Variants in IPO9 observed in about 807,000 individuals in gnomAD.
IPO9 encodes the protein importin-9.
IPO9 carries 28 observed loss-of-function variants against 128.6 expected under a neutral mutation model. The observed-to-expected ratio is 0.22, with a 90% CI of 0.16 to 0.30. The LOEUF is 0.30. Ranked by LOEUF, IPO9 falls within the 10% of genes least tolerant of loss-of-function variation. IPO9 has a pLI of 1.00. For missense variants in IPO9, 935 were observed against 1,293.9 expected, an observed-to-expected ratio of 0.72 and a Z score of 4.26; for synonymous variants, 455 against 475.8, an observed-to-expected ratio of 0.96 and a Z score of 0.57.
At chr1:201,836,574 C>T (rs114453840) in intron 1 of IPO9, among the ~76,000 whole-genome samples, 2,611 of 152,122 alleles carry the variant, frequency 0.017, 34 homozygotes, top group Non-Finnish European at 0.028. Flanking sequence ...TTTTATAGCA[C>T]GGAGTTTACC....
At chr1:201,841,793 G>C (rs1680040741) in intron 1 of IPO9, among the ~76,000 whole-genome samples, 1 of 152,012 alleles carries the variant, frequency 6.6e-6, no homozygotes. Context: ...GGAACAATTT[G>C]AGCAACAAAA....
chr1:201,843,005 T>C (rs1680063240), intron 1 of IPO9, among the ~76,000 whole-genome samples: 2 of 152,218 alleles, frequency 1.3e-5, no homozygotes, highest in Admixed American at 6.5e-5. Flanking sequence ...TCTGAGCTAC[T>C]GTTTCTTCTC....
At chr1:201,843,191 G>A (rs1680066823) in intron 1 of IPO9, among the ~76,000 whole-genome samples, 1 of 152,200 alleles carries the variant, frequency 6.6e-6, no homozygotes, top group Non-Finnish European at 1.5e-5. Context: ...TTTACTGTCA[G>A]GCAATATAGC....
intron 18 of IPO9, 51 bp from the exon 19 acceptor site, chr1:201,871,110 T>C: frequency 6.3e-7 from 1 of 1,574,902 alleles, no homozygotes; most frequent in Non-Finnish European, 8.7e-7. Context: ...TCTCATCTCC[T>C]ATGTCTCTGA....
At position 201,876,213 on chromosome 1, in the gene IPO9, T is replaced by C. The variant is rs758569783; in HGVS notation, c.*159T>C. 2 of 734,548 alleles carry C rather than the reference T, an allele frequency of 2.7e-6. No homozygotes were observed. The highest frequency in any genetic ancestry group is 3.4e-5 in the African/African-American group (2 of 58,036). 45.5% of individuals were successfully genotyped at this position (734,548 alleles called of 1,614,324 possible). A position where few individuals can be genotyped will look rare whatever the true frequency, so the allele number is the denominator to read the frequency against. ...ACACTGATGACAATTCAGACCAGGC[T>C]CACCGGTGCCGTCACTTAGGAATGC... On this transcript the variant is annotated 3_prime_UTR_variant, in exon 24 of 24. Coordinates refer to ENST00000361565, the MANE Select transcript of IPO9 (RefSeq NM_018085.5).
chr1:201,863,268 C>A (rs1206338810), intron 13 of IPO9, 180 bp from the exon 14 acceptor site: 3 of 436,150 alleles, frequency 6.9e-6, no homozygotes, highest in Admixed American at 3.4e-5. Flanking sequence ...AGGACAGTTG[C>A]TTGAACCCGG....
chr1:201,854,964 T>C lies in IPO9; in HGVS notation c.911+41T>C. 2.0e-6 allele frequency: 3 copies of C among 1,504,464 alleles called. No individual in the cohort carries two copies. The South Asian group carries it at 3.7e-5, about 19-fold the overall frequency. 93.2% of individuals were successfully genotyped at this position (1,504,464 alleles called of 1,614,324 possible). On this transcript the variant is annotated intron_variant, in intron 8 of 23. Transcript: ENST00000361565. The stretch of plus-strand genomic sequence containing the variant: ...AGTTTAAGGGAGCTACTACCACCTA[T>C]AGTTAGGAATCTCGCACTGGGTTTC...
chr1:201,867,772 T>TC (rs1336699685), intron 15 of IPO9, among the ~76,000 whole-genome samples: 1 of 152,114 alleles, frequency 6.6e-6, no homozygotes, highest in African/African-American at 2.4e-5. Flanking sequence ...AAGAGAGAGC[T>TC]CCAATATTGA....
rs1360731614 is a variant in IPO9, at chr1:201,879,855, G to T, written c.*3801G>T. ...GGAGTTCGAGACCAGCCTGGCCAATGTGGTGAAACCCCGCCTCTACTAAAA... is the reference window on the plus strand; with the variant it reads ...GGAGTTCGAGACCAGCCTGGCCAATTTGGTGAAACCCCGCCTCTACTAAAA... On this transcript the variant is annotated 3_prime_UTR_variant, in exon 24 of 24. Coordinates refer to ENST00000361565, the MANE Select transcript of IPO9 (RefSeq NM_018085.5). 6.6e-6 allele frequency: 1 copy of T among 152,040 alleles called. No individual in the cohort carries two copies. The highest frequency in any genetic ancestry group is 2.4e-5 in the African/African-American group (1 of 41,392). 9.4% of individuals were successfully genotyped at this position (152,040 alleles called of 1,614,324 possible).
chr1:201,832,913 C>T (rs557444408), intron 1 of IPO9, among the ~76,000 whole-genome samples: 1 of 152,252 alleles, frequency 6.6e-6, no homozygotes, highest in South Asian at 2.1e-4. Context: ...TTGTCAACTC[C>T]CTGTTAAAAG....
intron 13 of IPO9, among the ~76,000 whole-genome samples, chr1:201,862,176 G>A (rs1176411583): frequency 6.6e-6 from 1 of 152,130 alleles, no homozygotes; most frequent in East Asian, 1.9e-4. Context: ...AGTGGTCCAA[G>A]GCTGCACGCG....
chr1:201,862,514 GA>G (rs1680468436), intron 13 of IPO9, among the ~76,000 whole-genome samples: 1 of 151,840 alleles, frequency 6.6e-6, no homozygotes, highest in Admixed American at 6.6e-5. Context: ...TGGCAACTTA[GA>G]AGATTAAGTG....
rs939745670 is a variant in IPO9, at chr1:201,879,094, G to A, written c.*3040G>A. ...AAGGAAAATGGAAGGAATGCTATAA[G>A]ACTGAAAAGAAGTTAAAGCCCTAGG... On this transcript the variant is annotated 3_prime_UTR_variant, in exon 24 of 24. Coordinates refer to ENST00000361565, the MANE Select transcript of IPO9 (RefSeq NM_018085.5). The A allele has an allele frequency of 6.6e-6, 1 of 152,174 alleles. No homozygotes were observed. The highest frequency in any genetic ancestry group is 1.5e-5 in the Non-Finnish European group (1 of 68,024). The allele number at this position is 152,174 out of a possible 1,614,324, so 9.4% of individuals were successfully genotyped here. A position where few individuals can be genotyped will look rare whatever the true frequency, so the allele number is the denominator to read the frequency against.
chr1:201,872,625 A>C (rs527679706), intron 19 of IPO9, among the ~76,000 whole-genome samples: 1 of 152,136 alleles, frequency 6.6e-6, no homozygotes, highest in African/African-American at 2.4e-5. Flanking sequence ...CAACAACAAC[A>C]ACAACAAAAA....
chr1:201,865,789 T>C (rs1043415335), intron 14 of IPO9, among the ~76,000 whole-genome samples: 42 of 152,200 alleles, frequency 2.8e-4, no homozygotes, highest in African/African-American at 8.9e-4. Context: ...ATGATACAGT[T>C]GTTAAAAATA....
In IPO9 at chr1:201,870,949, C is replaced by T. The variant is rs113270065; in HGVS notation, c.2409+91C>T. 2.0e-3 allele frequency: 2,813 copies of T among 1,421,898 alleles called. 41 individuals are homozygous for T. The African/African-American group carries it at 0.036, about 18-fold the overall frequency. 88.1% of individuals were successfully genotyped at this position (1,421,898 alleles called of 1,614,324 possible). ...GTCCTGAGTTATTTTATTTTACCCT[C>T]TTACTAGCCTTGTAGGACAGTTAAG... On this transcript the variant is annotated intron_variant, in intron 18 of 23. Transcript: ENST00000361565. The surrounding 1 kb of genome is among the most constrained non-coding windows in gnomAD (Gnocchi z 4.9).
Position 201,871,241 on chromosome 1 carries a change from T to TACTGGCAA in IPO9, c.2493_2500dup (p.Pro834LeufsTer6). The TACTGGCAA allele has an allele frequency of 6.2e-7, 1 of 1,614,100 alleles. No homozygotes were observed. The highest frequency in any genetic ancestry group is 8.5e-7 in the Non-Finnish European group (1 of 1,180,012). ...AGTTCCTGTGTAGCCTCCCAGGACCTACTGGCAAACCTGCTCTAGAGTTTG... is the reference window on the plus strand; with the variant it reads ...AGTTCCTGTGTAGCCTCCCAGGACCTACTGGCAAACTGGCAAACCTGCTCTAGAGTTTG... On this transcript the variant is annotated frameshift_variant, in exon 19 of 24. Transcript: ENST00000361565. LOFTEE classifies it high-confidence loss of function.
chr1:201,858,711 T>C, intron 12 of IPO9, 144 bp from the exon 13 acceptor site: 1 of 857,438 alleles, frequency 1.2e-6, no homozygotes, highest in Non-Finnish European at 1.7e-6. Flanking sequence ...TTTTCAGCTA[T>C]AGGTTAGAAT....
chr1:201,874,466 G>GA (rs1036731769), intron 21 of IPO9, 94 bp downstream of exon 21: 2,706 of 1,377,678 alleles, frequency 2.0e-3, no homozygotes, highest in Non-Finnish European at 2.1e-3. Flanking sequence ...GTCACTAATT[G>GA]AAAAAAAAAG....
Sources: gnomAD v4.1 joint callset for allele counts (sites outside exome capture counted in the v4.1 genomes callset) on GRCh38, gnomAD v4.1.1 for gene constraint, Gnocchi (gnomAD v3.1) non-coding constraint, MANE v1.5 for transcripts, NCBI Gene and HGNC (gene_info 2026-07-23, HGNC 2026-07-21) for gene names.